Variants in SRGAP2C observed in about 807,000 individuals in gnomAD.
The protein encoded by SRGAP2C is SLIT-ROBO Rho GTPase-activating protein 2C.
Under a neutral mutation model 25.1 loss-of-function variants are expected in SRGAP2C, and 15 were observed. That is an observed-to-expected ratio of 0.60 (90% CI 0.40 to 0.92). The LOEUF is 0.92. SRGAP2C is among the 40% of genes least tolerant of loss of function. The pLI, the probability that SRGAP2C is intolerant of heterozygous loss-of-function variation, is 0.00. For missense variants in SRGAP2C, 144 were observed against 264.4 expected (o/e 0.54, Z 3.16); for synonymous variants, 44 against 96.6 (o/e 0.46, Z 3.19).
chr1:121,319,659 T>C (rs1326764717), intron 3 of SRGAP2C, among the ~76,000 whole-genome samples: 29 of 149,724 alleles, frequency 1.9e-4, no homozygotes, highest in Admixed American at 6.0e-4. Context: ...TTTCAGTGCA[T>C]TTACAGTGAT....
At chr1:121,207,228 T>C (rs1199996027) in intron 2 of SRGAP2C, among the ~76,000 whole-genome samples, 3 of 152,300 alleles carry the variant, frequency 2.0e-5, no homozygotes, top group Admixed American at 1.3e-4. Context: ...ATATTCTCCC[T>C]TGAAGGGGCT....
intron 3 of SRGAP2C, among the ~76,000 whole-genome samples, chr1:121,314,496 G>C (rs1234208984): frequency 6.6e-6 from 1 of 152,170 alleles, no homozygotes; most frequent in African/African-American, 2.4e-5. Context: ...GAGGAGGAGA[G>C]GCGCTCTGCG....
At chr1:121,201,777 G>C (rs1268749352) in intron 2 of SRGAP2C, among the ~76,000 whole-genome samples, 2 of 152,232 alleles carry the variant, frequency 1.3e-5, no homozygotes, top group African/African-American at 4.8e-5. Context: ...ATATGTAATT[G>C]AGTAAGAATT....
At chr1:121,250,221 A>C (rs1206841888) in intron 2 of SRGAP2C, among the ~76,000 whole-genome samples, 2 of 86,558 alleles carry the variant, frequency 2.3e-5, no homozygotes, top group East Asian at 8.7e-4. Context: ...AAAAAGTATT[A>C]GTATAAAGAT....
At chr1:121,215,882 TC>T (rs1655368550) in intron 2 of SRGAP2C, among the ~76,000 whole-genome samples, 1 of 151,780 alleles carries the variant, frequency 6.6e-6, no homozygotes, top group South Asian at 2.1e-4. Flanking sequence ...GCACTGAGCC[TC>T]AGGCACTGGT....
intron 3 of SRGAP2C, among the ~76,000 whole-genome samples, chr1:121,292,853 ATAAAG>A (rs1399389149): frequency 1.3e-5 from 1 of 79,332 alleles, no homozygotes; most frequent in African/African-American, 6.0e-5. Flanking sequence ...CTGGGTGACT[ATAAAG>A]TAGAGTTTCT....
At chr1:121,362,515 C>T (rs1282166073) in intron 4 of SRGAP2C, among the ~76,000 whole-genome samples, 1 of 150,592 alleles carries the variant, frequency 6.6e-6, no homozygotes, top group Non-Finnish European at 1.5e-5. Flanking sequence ...CTTCCCCCAT[C>T]CCCCACTCTG....
rs1553342459 is a variant in SRGAP2C, at chr1:121,336,028, C to T, written c.423+11388C>T. On this transcript the variant is annotated intron_variant, in intron 4 of 9. Transcript: ENST00000367123. ...GTGGGTATATTTTGGTTTTGCCCTT[C>T]GTCTTAGAAAATACTGTATACTTAA... Among the ~76,000 whole-genome samples, 15 of 151,096 alleles carry T rather than the reference C, an allele frequency of 9.9e-5. No individual in the cohort carries two copies. In the South Asian group the frequency reaches 1.3e-3, roughly 13 times the overall value.
At chr1:121,383,123 TG>T (rs1174060412) in intron 8 of SRGAP2C, among the ~76,000 whole-genome samples, 198 bp downstream of exon 8, 1 of 149,332 alleles carries the variant, frequency 6.7e-6, no homozygotes, top group African/African-American at 2.5e-5. Flanking sequence ...GGTGCAGACA[TG>T]GGGGATTAAA....
intron 2 of SRGAP2C, among the ~76,000 whole-genome samples, chr1:121,249,574 A>ATT (rs1325356455): frequency 4.9e-5 from 1 of 20,546 alleles, no homozygotes; most frequent in East Asian, 1.0e-3. Flanking sequence ...ATATATATAT[A>ATT]TATATATTTT....
intron 2 of SRGAP2C, among the ~76,000 whole-genome samples, chr1:121,222,640 C>CA (rs1402660731): frequency 2.0e-5 from 3 of 151,884 alleles, no homozygotes; most frequent in African/African-American, 7.3e-5. Context: ...AACAAGCTAA[C>CA]AAAAAAACCC....
At chr1:121,328,832 A>T (rs1658371178) in intron 4 of SRGAP2C, among the ~76,000 whole-genome samples, 1 of 147,072 alleles carries the variant, frequency 6.8e-6, no homozygotes, top group South Asian at 2.2e-4. Flanking sequence ...GGCTGCAGTG[A>T]TCTATAATCA....
intron 2 of SRGAP2C, among the ~76,000 whole-genome samples, chr1:121,263,430 CAAAAAAAA>C (rs1182973540): frequency 1.1e-5 from 1 of 88,000 alleles, no homozygotes; most frequent in Non-Finnish European, 2.3e-5. Context: ...GACTCCGTCT[CAAAAAAAA>C]AAAAAAAAAA....
At chr1:121,314,146 A>C in intron 3 of SRGAP2C, among the ~76,000 whole-genome samples, 2 of 89,466 alleles carry the variant, frequency 2.2e-5, no homozygotes, top group Non-Finnish European at 4.6e-5. Context: ...TTTTTCTCTA[A>C]CCTTCTCTTC....
intron 4 of SRGAP2C, among the ~76,000 whole-genome samples, chr1:121,358,843 CCT>C (rs1405001816): frequency 3.5e-4 from 9 of 25,824 alleles, no homozygotes; most frequent in African/African-American, 1.4e-3. Flanking sequence ...GGTGTGGAAA[CCT>C]CTTGGCTGGG....
intron 2 of SRGAP2C, among the ~76,000 whole-genome samples, chr1:121,201,893 G>T (rs1654989849): frequency 6.6e-6 from 1 of 152,154 alleles, no homozygotes; most frequent in Non-Finnish European, 1.5e-5. Flanking sequence ...TGTTTTCAGG[G>T]CATGGGAACC....
intron 2 of SRGAP2C, among the ~76,000 whole-genome samples, chr1:121,202,697 G>A (rs1352854613): frequency 6.6e-6 from 1 of 152,024 alleles, no homozygotes; most frequent in East Asian, 1.9e-4. Context: ...AAAGTGCTGG[G>A]ATTATAGGCG....
chr1:121,335,521 G>A (rs1291692780), intron 4 of SRGAP2C, among the ~76,000 whole-genome samples: 1 of 135,864 alleles, frequency 7.4e-6, no homozygotes, highest in East Asian at 2.2e-4. Context: ...GAGTACAGTG[G>A]TGTGATCATA....
chr1:121,314,267 T>A (rs1471172042), intron 3 of SRGAP2C, among the ~76,000 whole-genome samples: 2 of 144,638 alleles, frequency 1.4e-5, no homozygotes, highest in African/African-American at 5.2e-5. Flanking sequence ...GCCTTGGTTT[T>A]CAGCTCCATC....
Sources: allele counts gnomAD v4.1 joint callset (sites outside exome capture counted in the v4.1 genomes callset), GRCh38; gene constraint gnomAD v4.1.1; transcripts MANE v1.5; gene names NCBI Gene and HGNC (gene_info 2026-07-23, HGNC 2026-07-21).